Variants in MACROD2 observed in about 807,000 individuals in gnomAD.
MACROD2 encodes mono-ADP ribosylhydrolase 2.
MACROD2 carries 36 observed loss-of-function variants against 70.4 expected under a neutral mutation model. The ratio of observed to expected loss-of-function variants is 0.51; its 90% CI spans 0.39 to 0.68. The LOEUF (loss-of-function observed/expected upper bound fraction) is 0.68, where lower values mean the gene tolerates loss of function less well. Ranked by LOEUF, MACROD2 falls within the 30% of genes least tolerant of loss-of-function variation. The pLI is 0.00. For synonymous variants in MACROD2, 172 were observed against 178.8 expected (o/e 0.96, Z 0.30); for missense variants, 496 against 538.4 (o/e 0.92, Z 0.78).
At chr20:15,505,543 C>T (rs1157344587) in intron 8 of MACROD2, among the ~76,000 whole-genome samples, 1 of 152,094 alleles carries the variant, frequency 6.6e-6, no homozygotes, top group African/African-American at 2.4e-5. Context: ...CCCTGAGGCC[C>T]GGCCCCAGCA....
At chr20:14,336,700 C>G (rs1427291949) in intron 3 of MACROD2, among the ~76,000 whole-genome samples, 2 of 152,168 alleles carry the variant, frequency 1.3e-5, no homozygotes, top group Admixed American at 1.3e-4. Context: ...TAGCCATTTA[C>G]TATGCTAGTC....
intron 4 of MACROD2, among the ~76,000 whole-genome samples, chr20:14,548,436 T>TTA (rs1600372007): frequency 2.1e-4 from 19 of 92,086 alleles, no homozygotes; most frequent in African/African-American, 4.1e-4. Context: ...ATACATTATC[T>TTA]GGCCGGGCGC....
intron 6 of MACROD2, among the ~76,000 whole-genome samples, chr20:15,418,512 T>A (rs1274231583): frequency 1.3e-5 from 2 of 152,190 alleles, no homozygotes; most frequent in Non-Finnish European, 2.9e-5. Flanking sequence ...ACTATTTCTC[T>A]CTGAGACCGT....
intron 10 of MACROD2, among the ~76,000 whole-genome samples, chr20:15,910,084 T>C (rs1426464995): frequency 5.3e-5 from 8 of 152,248 alleles, no homozygotes; most frequent in Non-Finnish European, 1.2e-4. Context: ...ATTAATCTTA[T>C]GATTTTGATG....
intron 9 of MACROD2, among the ~76,000 whole-genome samples, chr20:15,882,657 G>T (rs2064770479): frequency 6.6e-6 from 1 of 151,988 alleles, no homozygotes; most frequent in Non-Finnish European, 1.5e-5. Flanking sequence ...AAATATTCTG[G>T]TATTCTTCTT....
At chr20:15,779,264 A>T (rs2051789115) in intron 8 of MACROD2, among the ~76,000 whole-genome samples, 1 of 152,134 alleles carries the variant, frequency 6.6e-6, no homozygotes, top group Non-Finnish European at 1.5e-5. Flanking sequence ...CTTTATGTGC[A>T]TTAGATCACA....
At chr20:14,267,761 C>T (rs574845800) in intron 3 of MACROD2, among the ~76,000 whole-genome samples, 33 of 152,150 alleles carry the variant, frequency 2.2e-4, no homozygotes, top group African/African-American at 6.0e-4. Context: ...CTCAGTAAGC[C>T]TCTAATCTGT....
intron 5 of MACROD2, among the ~76,000 whole-genome samples, chr20:15,200,211 G>C (rs1219404287): frequency 1.3e-5 from 2 of 152,192 alleles, no homozygotes; most frequent in Non-Finnish European, 2.9e-5. Flanking sequence ...TGAGGTTTCA[G>C]ATAGTCTCCC....
intron 17 of MACROD2, among the ~76,000 whole-genome samples, chr20:16,048,631 G>C (rs910211949): frequency 6.6e-6 from 1 of 152,106 alleles, no homozygotes. Context: ...ATCCCACCAC[G>C]ATCCCACTAG....
At position 14,849,051 on chromosome 20, in the gene MACROD2, T is replaced by C. The variant is rs542819864; in HGVS notation, c.418+164092T>C. Among the ~76,000 whole-genome samples, 6 of 152,262 alleles carry C rather than the reference T, an allele frequency of 3.9e-5. No homozygotes were observed. The East Asian group carries it at 1.2e-3, about 29-fold the overall frequency. On this transcript the variant is annotated intron_variant, in intron 5 of 17. Transcript: ENST00000684519. ...CATTGATCCAGGCAGCCCCCACCTC[T>C]TGACTGGAGTTGGCAAGTGAGATAA...
At chr20:14,945,464 T>C (rs2074424049) in intron 5 of MACROD2, among the ~76,000 whole-genome samples, 1 of 152,194 alleles carries the variant, frequency 6.6e-6, no homozygotes, top group Non-Finnish European at 1.5e-5. Flanking sequence ...TACAAGTGGC[T>C]GTCACCTTAG....
At chr20:14,007,470 A>G (rs1372615597) in intron 2 of MACROD2, among the ~76,000 whole-genome samples, 2 of 152,182 alleles carry the variant, frequency 1.3e-5, no homozygotes, top group African/African-American at 4.8e-5. Flanking sequence ...CAAAGGAGGC[A>G]TATACGTGTG....
At chr20:15,878,546 C>T (rs1006442895) in intron 9 of MACROD2, among the ~76,000 whole-genome samples, 1 of 151,996 alleles carries the variant, frequency 6.6e-6, no homozygotes, top group East Asian at 1.9e-4. Flanking sequence ...GTTTTCTTTG[C>T]TTGTTTTTGT....
In MACROD2 at chr20:15,782,717, C is replaced by CAAAAAAGAAAAAAAAAAAAA. The variant is rs2051854347; in HGVS notation, c.646-80022_646-80021insGAAAAAAAAAAAAAAAAAAA. Among the ~76,000 whole-genome samples the CAAAAAAGAAAAAAAAAAAAA allele has an allele frequency of 2.4e-5, 2 of 83,358 alleles. 1 individual carries two copies. Among genetic ancestry groups the CAAAAAAGAAAAAAAAAAAAA allele is most frequent in the Non-Finnish European group, 4.9e-5 (2 of 41,058 alleles). The allele number at this position is 83,358 out of a possible 152,430, so 54.7% of individuals were successfully genotyped here. A position where few individuals can be genotyped will look rare whatever the true frequency, so the allele number is the denominator to read the frequency against. On this transcript the variant is annotated intron_variant, in intron 8 of 17. Coordinates refer to ENST00000684519, the MANE Select transcript of MACROD2 (RefSeq NM_001351661.2). ...GAGACATATGCAGATAGAGAAATGG[C>CAAAAAAGAAAAAAAAAAAAA]AAAAAAAAAAAAAAAAAAAAAAGTT... is the stretch of plus-strand genomic sequence containing the variant.
intron 6 of MACROD2, among the ~76,000 whole-genome samples, chr20:15,374,586 T>C (rs1049007638): frequency 6.6e-6 from 1 of 152,160 alleles, no homozygotes; most frequent in African/African-American, 2.4e-5. Flanking sequence ...TGTTATACAG[T>C]TGTGTTTTAA....
intron 3 of MACROD2, among the ~76,000 whole-genome samples, chr20:14,128,514 A>G (rs2148697406): frequency 6.6e-6 from 1 of 152,328 alleles, no homozygotes; most frequent in South Asian, 2.1e-4. Flanking sequence ...AGCTGCAAGT[A>G]CTGATGTAGA....
chr20:14,825,476 C>T (rs557096488), intron 5 of MACROD2, among the ~76,000 whole-genome samples: 43 of 151,962 alleles, frequency 2.8e-4, no homozygotes, highest in Non-Finnish European at 5.6e-4. Context: ...TTCTATTAGG[C>T]GTATCCACAT....
chr20:14,764,142 G>A (rs2123758189), intron 5 of MACROD2, among the ~76,000 whole-genome samples: 1 of 152,142 alleles, frequency 6.6e-6, no homozygotes, highest in East Asian at 1.9e-4. Flanking sequence ...ATTGGCAGGA[G>A]ATGAGAGGGA....
chr20:15,499,660 A>G, intron 7 of MACROD2, 114 bp from the exon 8 acceptor site: 1 of 874,364 alleles, frequency 1.1e-6, no homozygotes, highest in Non-Finnish European at 1.9e-6. Flanking sequence ...GCCTGTACTT[A>G]TTGGTTGAAC....
Sources: allele counts gnomAD v4.1 joint callset (sites outside exome capture counted in the v4.1 genomes callset), GRCh38; gene constraint gnomAD v4.1.1; transcripts MANE v1.5; gene names NCBI Gene and HGNC (gene_info 2026-07-23, HGNC 2026-07-21).